The following CA12 variants were observed in gnomAD, a reference collection of about 807,000 sequenced individuals.
CA12 encodes the protein carbonic anhydrase 12, also known as carbonate dehydratase XII.
CA12 carries 36 observed loss-of-function variants against 46.8 expected under a neutral mutation model. The ratio of observed to expected loss-of-function variants is 0.77; its 90% confidence interval spans 0.59 to 1.02. The LOEUF is 1.02. CA12 is among the 50% of genes least tolerant of loss of function. CA12 has a pLI of 0.00. For missense variants in CA12, 436 were observed against 451.4 expected, an observed-to-expected ratio of 0.97 and a Z score of 0.31; for synonymous variants, 202 against 187.0, an observed-to-expected ratio of 1.08 and a Z score of -0.65.
intron 10 of CA12, among the ~76,000 whole-genome samples, chr15:63,326,948 T>C (rs748684254): frequency 7.3e-4 from 111 of 152,342 alleles, no homozygotes; most frequent in African/African-American, 2.1e-3. Flanking sequence ...CAGTGACCCC[T>C]GAACCCTTTG....
intron 2 of CA12, among the ~76,000 whole-genome samples, chr15:63,375,198 G>C (rs1046515425): frequency 6.6e-6 from 1 of 152,172 alleles, no homozygotes; most frequent in East Asian, 1.9e-4. Flanking sequence ...TTACAATCAC[G>C]GCAACAAGAA....
At chr15:63,368,079 C>T (rs2039457896) in intron 2 of CA12, among the ~76,000 whole-genome samples, 1 of 152,178 alleles carries the variant, frequency 6.6e-6, no homozygotes, top group South Asian at 2.1e-4. Context: ...TGAAATTAAT[C>T]GTTTCAGCCC....
chr15:63,353,307 C>T (rs1414607276), intron 2 of CA12, among the ~76,000 whole-genome samples: 1 of 152,124 alleles, frequency 6.6e-6, no homozygotes, highest in East Asian at 1.9e-4. Context: ...TAGAACCAAC[C>T]ATGAGTGAAA....
At chr15:63,365,454 C>T (rs992058090) in intron 2 of CA12, among the ~76,000 whole-genome samples, 1 of 152,246 alleles carries the variant, frequency 6.6e-6, no homozygotes, top group African/African-American at 2.4e-5. Context: ...GCTGGAGCCA[C>T]CTGACAGTTT....
chr15:63,339,451 C>T lies in CA12; in HGVS notation c.748-506G>A, dbSNP rs1230869711. ...CTGCATAGATTATATAACCCTTTCC[C>T]AAGGCAGTTTCTGAGGTAGGATGTT... On this transcript the variant is annotated intron_variant, in intron 7 of 10. Transcript: ENST00000178638. The surrounding 1 kb of genome is among the most constrained non-coding windows in gnomAD (Gnocchi z 4.3). Among the ~76,000 whole-genome samples, 1 of 152,224 alleles carries T rather than the reference C, an allele frequency of 6.6e-6. No individual in the cohort carries two copies. The highest frequency in any genetic ancestry group is 1.5e-5 in the Non-Finnish European group (1 of 68,032).
Position 63,324,963 on chromosome 15 carries a change from T to C in CA12, c.*1322A>G, listed in dbSNP as rs2038846872. 2 of 152,190 alleles carry C rather than the reference T, an allele frequency of 1.3e-5. 1 individual carries two copies. Among genetic ancestry groups the C allele is most frequent in the Non-Finnish European group, 2.9e-5 (2 of 68,042 alleles). 9.4% of individuals were successfully genotyped at this position (152,190 alleles called of 1,614,324 possible). A position where few individuals can be genotyped will look rare whatever the true frequency, so the allele number is the denominator to read the frequency against. ...CTAGGGGTCGGTTCCTTCTCAGTCA[T>C]GGCACTGACTCATCTCCACAGGGTT... On this transcript the variant is annotated 3_prime_UTR_variant, in exon 11 of 11. Transcript: ENST00000178638.
At chr15:63,336,727 G>T (rs1202725297) in intron 8 of CA12, among the ~76,000 whole-genome samples, 1 of 138,282 alleles carries the variant, frequency 7.2e-6, no homozygotes, top group Non-Finnish European at 1.6e-5. Flanking sequence ...AAGGCCTGAA[G>T]AAGGGACACG....
chr15:63,376,569 T>TCTTTC (rs1555432647), intron 1 of CA12, among the ~76,000 whole-genome samples: 1 of 111,204 alleles, frequency 9.0e-6, no homozygotes, highest in African/African-American at 3.0e-5. Context: ...TTTCTTTCTT[T>TCTTTC]CTTTCTTTCT....
rs1595781257 is a variant in CA12, at chr15:63,345,229, C to T, written c.429+248G>A. On this transcript the variant is annotated intron_variant, in intron 4 of 10. Coordinates refer to ENST00000178638, the MANE Select transcript of CA12 (RefSeq NM_001218.5). The surrounding 1 kb of genome is among the most constrained non-coding windows in gnomAD (Gnocchi z 4.3). Reference sequence around the variant, plus strand: ...CACCCTGGGAATACTGCCTCCCCAGCAGCATCACTCAGTAAAAGACACAGG... The same window carrying T: ...CACCCTGGGAATACTGCCTCCCCAGTAGCATCACTCAGTAAAAGACACAGG... Among the ~76,000 whole-genome samples, 1 of 152,352 alleles carries T rather than the reference C, an allele frequency of 6.6e-6. No homozygotes were observed. The highest frequency in any genetic ancestry group is 1.9e-4 in the East Asian group (1 of 5,188).
At chr15:63,377,325 G>A (rs527304382) in intron 1 of CA12, among the ~76,000 whole-genome samples, 13 of 152,212 alleles carry the variant, frequency 8.5e-5, no homozygotes, top group Middle Eastern at 3.4e-3. Flanking sequence ...ATGGAAAAGC[G>A]TACCCTTGTG....
Position 63,378,248 on chromosome 15 carries a change from C to G in CA12, c.86-2570G>C, listed in dbSNP as rs1330417406. Among the ~76,000 whole-genome samples, 1 of 152,184 alleles carries G rather than the reference C, an allele frequency of 6.6e-6. No individual in the cohort carries two copies. The highest frequency in any genetic ancestry group is 2.1e-4 in the South Asian group (1 of 4,822). Reference sequence around the variant, plus strand: ...ACTAAAAATACAAAAATTAGGCAGGCGTGGTGGCGGGTGCCTGTAATCCCA... The same window carrying G: ...ACTAAAAATACAAAAATTAGGCAGGGGTGGTGGCGGGTGCCTGTAATCCCA... On this transcript the variant is annotated intron_variant, in intron 1 of 10. Coordinates refer to ENST00000178638, the MANE Select transcript of CA12 (RefSeq NM_001218.5). The surrounding 1 kb of genome is among the most constrained non-coding windows in gnomAD (Gnocchi z 4.8).
At chr15:63,353,303 C>T (rs1480273790) in intron 2 of CA12, among the ~76,000 whole-genome samples, 2 of 152,102 alleles carry the variant, frequency 1.3e-5, no homozygotes, top group African/African-American at 4.8e-5. Context: ...CAAGTAGAAC[C>T]AACCATGAGT....
At chr15:63,337,480 G>A (rs993373713) in intron 8 of CA12, among the ~76,000 whole-genome samples, 1 of 151,916 alleles carries the variant, frequency 6.6e-6, no homozygotes, top group African/African-American at 2.4e-5. Context: ...TTTTTGAGAC[G>A]GAGTCTCGCC....
chr15:63,356,466 T>G lies in CA12; in HGVS notation c.107-9757A>C, dbSNP rs187215305. ...CAAACATTTATTGTTGGTGGGAACA[T>G]CAAATAGTTTGGCGGTGCCTTAAAA... On this transcript the variant is annotated intron_variant, in intron 2 of 10. Coordinates refer to ENST00000178638, the MANE Select transcript of CA12 (RefSeq NM_001218.5). 2.6e-3 allele frequency among the ~76,000 whole-genome samples: 389 copies of G among 152,116 alleles called. 2 individuals are homozygous for G. The highest frequency in any genetic ancestry group is 4.1e-3 in the Non-Finnish European group (276 of 68,004).
chr15:63,370,799 AG>A (rs1051660413), intron 2 of CA12, among the ~76,000 whole-genome samples: 6 of 152,100 alleles, frequency 3.9e-5, no homozygotes, highest in African/African-American at 1.4e-4. Flanking sequence ...AAAAGAAAAA[AG>A]AAAAACATGT....
intron 8 of CA12, among the ~76,000 whole-genome samples, chr15:63,333,414 G>T (rs1029658886): frequency 6.6e-6 from 1 of 152,220 alleles, no homozygotes; most frequent in Non-Finnish European, 1.5e-5. Flanking sequence ...CTCGGACTGT[G>T]CTCGGGAAAC....
In CA12 at chr15:63,372,222, C is replaced by A. The variant is rs969227630; in HGVS notation, c.106+3436G>T. ...CAGCAAGTGAAGCTGCCGGGCTCAGCGGGATTGATGCGGGACTGATTTCCG... is the reference window on the plus strand; with the variant it reads ...CAGCAAGTGAAGCTGCCGGGCTCAGAGGGATTGATGCGGGACTGATTTCCG... On this transcript the variant is annotated intron_variant, in intron 2 of 10. Coordinates refer to ENST00000178638, the MANE Select transcript of CA12 (RefSeq NM_001218.5). This position sits in a 1 kb window ranked among gnomAD's most constrained non-coding sequence, Gnocchi z 4.5. Among the ~76,000 whole-genome samples, 4 of 152,216 alleles carry A rather than the reference C, an allele frequency of 2.6e-5. No homozygotes were observed. The highest frequency in any genetic ancestry group is 1.3e-4 in the Admixed American group (2 of 15,282).
chr15:63,368,046 G>A (rs968451324), intron 2 of CA12, among the ~76,000 whole-genome samples: 3 of 152,086 alleles, frequency 2.0e-5, no homozygotes, highest in Admixed American at 2.0e-4. Flanking sequence ...ATACCGTTTT[G>A]CCTCCACTGT....
intron 8 of CA12, among the ~76,000 whole-genome samples, chr15:63,338,300 C>T (rs375127087): frequency 6.6e-5 from 10 of 152,290 alleles, no homozygotes; most frequent in African/African-American, 2.2e-4. Context: ...GCCTAACAGG[C>T]CCTGCTACAT....
Sources: gnomAD v4.1 joint callset for allele counts (sites outside exome capture counted in the v4.1 genomes callset) on GRCh38, gnomAD v4.1.1 for gene constraint, Gnocchi (gnomAD v3.1) non-coding constraint, MANE v1.5 for transcripts, NCBI Gene and HGNC (gene_info 2026-07-23, HGNC 2026-07-21) for gene names.